SFI1: variants seen among roughly 807,000 people sequenced by gnomAD.
SFI1 encodes protein SFI1 homolog.
In SFI1, 195 loss-of-function variants were observed where a neutral mutation model predicts 207.5. That is an observed-to-expected ratio of 0.94 (90% CI 0.84 to 1.06). SFI1 has a LOEUF of 1.06. Among genes scored for constraint, SFI1 ranks in the 50% least tolerant of loss-of-function variants. The pLI is 0.00. For missense variants in SFI1, 1,634 were observed against 1,588.0 expected (o/e 1.03, Z -0.49); for synonymous variants, 630 against 598.9 (o/e 1.05, Z -0.76).
intron 8 of SFI1, among the ~76,000 whole-genome samples, chr22:31,564,357 C>T (rs1476897132): frequency 3.3e-5 from 5 of 150,254 alleles, no homozygotes; most frequent in Non-Finnish European, 5.9e-5. Context: ...AGCAGCTAGC[C>T]AAGTACTCAC....
At chr22:31,547,980 C>T (rs892188962) in intron 5 of SFI1, among the ~76,000 whole-genome samples, 9 of 149,686 alleles carry the variant, frequency 6.0e-5, no homozygotes, top group African/African-American at 9.8e-5. Context: ...TTTGGGAGGC[C>T]GAGATGGGCG....
In SFI1 at chr22:31,606,411, G is replaced by A; in HGVS notation, c.2138G>A (p.Arg713Lys). 6.2e-7 allele frequency: 1 copy of A among 1,613,814 alleles called. No homozygotes were observed. Among genetic ancestry groups the A allele is most frequent in the Non-Finnish European group, 8.5e-7 (1 of 1,180,006 alleles). The change falls in exon 21 of 33, where the codon AGA becomes AAA. Residue 713 changes from arginine to lysine, a missense_variant. Arg to Lys is a conservative substitution (Grantham distance 26, BLOSUM62 2). Coordinates refer to ENST00000400288, the MANE Select transcript of SFI1 (RefSeq NM_001007467.3). ...KKTFQASTHY[R>K]RTICSKVLVQ... Reference sequence around the variant, plus strand: ...ACCTTTCAAGCAAGTACTCATTACAGAAGGACCATATGTTCCAAGGTGAGG... The same window carrying A: ...ACCTTTCAAGCAAGTACTCATTACAAAAGGACCATATGTTCCAAGGTGAGG...
intron 3 of SFI1, among the ~76,000 whole-genome samples, chr22:31,530,171 CAA>C (rs1162482504): frequency 2.9e-3 from 35 of 12,084 alleles, no homozygotes; most frequent in South Asian, 7.6e-3. Context: ...GACTCCATCT[CAA>C]AAAAAAAAAA....
intron 12 of SFI1, among the ~76,000 whole-genome samples, chr22:31,581,307 G>A (rs1364169297): frequency 6.9e-6 from 1 of 145,130 alleles, no homozygotes; most frequent in African/African-American, 2.5e-5. Flanking sequence ...TTTTGAGACA[G>A]GGTCTTGCTC....
At chr22:31,578,519 C>T in intron 11 of SFI1, 67 bp downstream of exon 11, 1 of 1,456,526 alleles carries the variant, frequency 6.9e-7, no homozygotes, top group Non-Finnish European at 9.4e-7. Flanking sequence ...TCTTGGGGGA[C>T]CCTGACCCCT....
chr22:31,501,804 A>T (rs2053820550), intron 1 of SFI1, among the ~76,000 whole-genome samples: 1 of 152,236 alleles, frequency 6.6e-6, no homozygotes, highest in Admixed American at 6.5e-5. Context: ...TTGATAAGAA[A>T]AAATTGATTC....
intron 22 of SFI1, among the ~76,000 whole-genome samples, chr22:31,608,810 C>T (rs1486794161): frequency 1.3e-5 from 2 of 152,046 alleles, no homozygotes; most frequent in African/African-American, 2.4e-5. Flanking sequence ...CTTTCTAATT[C>T]GATCTCAGGA....
In SFI1 at chr22:31,528,980, T is replaced by C. The variant is rs1313208451; in HGVS notation, c.266+117T>C. ...GCAATTAGTGGGAGATCTTGATGCC[T>C]GTTCTTGGTAGTAGAATGTTCAGAT... On this transcript the variant is annotated intron_variant, in intron 3 of 32. Transcript: ENST00000400288. 6 of 993,112 alleles carry C rather than the reference T, an allele frequency of 6.0e-6. No individual in the cohort carries two copies. In the African/African-American group the frequency reaches 9.7e-5, roughly 16 times the overall value. 61.5% of individuals were successfully genotyped at this position (993,112 alleles called of 1,614,324 possible). A position where few individuals can be genotyped will look rare whatever the true frequency, so the allele number is the denominator to read the frequency against.
intron 4 of SFI1, among the ~76,000 whole-genome samples, chr22:31,545,584 AATTTT>A (rs1555984036): frequency 1.3e-4 from 19 of 144,994 alleles, no homozygotes; most frequent in East Asian, 1.2e-3. Flanking sequence ...AATTTAATTT[AATTTT>A]ATTTTATTTT....
intron 2 of SFI1, among the ~76,000 whole-genome samples, chr22:31,522,062 G>GA (rs2057339128): frequency 1.8e-5 from 2 of 109,356 alleles, no homozygotes; most frequent in African/African-American, 3.4e-5. Context: ...ACTACACCTG[G>GA]CCTTTTTTTT....
chr22:31,543,824 A>G (rs1271036341), intron 4 of SFI1, among the ~76,000 whole-genome samples: 1 of 151,642 alleles, frequency 6.6e-6, no homozygotes, highest in Non-Finnish European at 1.5e-5. Context: ...AAAAAAAAAA[A>G]AGAAAAAAAA....
chr22:31,606,273 C>A, intron 20 of SFI1, 55 bp from the exon 21 acceptor site: 1 of 1,505,410 alleles, frequency 6.6e-7, no homozygotes, highest in Non-Finnish European at 9.2e-7. Context: ...ACAGAAGCCT[C>A]CCTTCTCTCT....
chr22:31,611,149 T>C lies in SFI1; in HGVS notation c.2261T>C (p.Leu754Pro). 1.2e-6 allele frequency: 2 copies of C among 1,614,206 alleles called. No individual in the cohort carries two copies. Among genetic ancestry groups the C allele is most frequent in the East Asian group, 2.2e-5 (1 of 44,888 alleles). The change falls in exon 23 of 33, where the codon CTG becomes CCG. Residue 754 changes from leucine (L) to proline (P), a missense_variant. Leu to Pro is a moderately conservative substitution (Grantham distance 98). Coordinates refer to ENST00000400288, the MANE Select transcript of SFI1 (RefSeq NM_001007467.3). ...EAQKVLDRGC[L>P]RTWFQRWWDC... is the part of the protein sequence containing the mutation. The stretch of plus-strand genomic sequence containing the variant: ...TGACTTGGATCTGCCTTAGGCTGTC[T>C]GCGGACCTGGTTTCAGCGCTGGTGG...
chr22:31,606,317 T>C lies in SFI1; in HGVS notation c.2055-11T>C. The C allele has an allele frequency of 6.2e-7, 1 of 1,612,148 alleles. No homozygotes were observed. Among genetic ancestry groups the C allele is most frequent in the Non-Finnish European group, 8.5e-7 (1 of 1,178,566 alleles). ...GTGTCATCTGCCTTCCTCGCACCCA[T>C]GCATCTGCAGCGGGGCATTACGTCG... On this transcript the variant is annotated splice_polypyrimidine_tract_variant and intron_variant, in intron 20 of 32. Transcript: ENST00000400288.
chr22:31,552,082 T>C (rs145150802), intron 6 of SFI1, among the ~76,000 whole-genome samples: 1,785 of 152,280 alleles, frequency 0.012, 10 homozygotes, highest in Middle Eastern at 0.031. Context: ...CCTTTATGTC[T>C]GTGTGTACCA....
Position 31,613,777 on chromosome 22 carries a change from A to C in SFI1, c.2918A>C (p.Glu973Ala). Reference sequence around the variant, plus strand: ...GCTGGGGCTGGGGATGGCACCCTTGAGACCAAGAGGCCACAGGCTTCTCGG... The same window carrying C: ...GCTGGGGCTGGGGATGGCACCCTTGCGACCAAGAGGCCACAGGCTTCTCGG... Reference protein sequence around the residue: ...IAAGAGDGTLETKRPQASRPL... With the variant: ...IAAGAGDGTLATKRPQASRPL... The change falls in exon 27 of 33, where the codon GAG becomes GCG. Residue 973 changes from glutamate to alanine, a missense_variant. Coordinates refer to ENST00000400288, the MANE Select transcript of SFI1 (RefSeq NM_001007467.3). 6.2e-7 allele frequency: 1 copy of C among 1,612,818 alleles called. No individual in the cohort carries two copies. Among genetic ancestry groups the C allele is most frequent in the Non-Finnish European group, 8.5e-7 (1 of 1,179,792 alleles).
intron 4 of SFI1, among the ~76,000 whole-genome samples, chr22:31,544,861 C>T (rs1475841437): frequency 6.6e-6 from 1 of 152,092 alleles, no homozygotes; most frequent in Non-Finnish European, 1.5e-5. Flanking sequence ...GAGATTCTGA[C>T]CTGAAAAAGC....
chr22:31,584,078 A>G, intron 13 of SFI1, 106 bp downstream of exon 13: 1 of 952,974 alleles, frequency 1.0e-6, no homozygotes, highest in Non-Finnish European at 1.7e-6. Flanking sequence ...TGGCAGATTC[A>G]GAAAGGCCTG....
intron 12 of SFI1, among the ~76,000 whole-genome samples, chr22:31,580,892 T>G (rs1286883586): frequency 1.3e-5 from 2 of 152,138 alleles, no homozygotes. Context: ...ATAGAAAAAC[T>G]TGTTTGATCC....
Sources: gnomAD v4.1 joint callset for allele counts (sites outside exome capture counted in the v4.1 genomes callset) on GRCh38, gnomAD v4.1.1 for gene constraint, MANE v1.5 for transcripts, NCBI Gene and HGNC (gene_info 2026-07-23, HGNC 2026-07-21) for gene names.